ANO2: variants seen among roughly 807,000 people sequenced by gnomAD.
The protein encoded by ANO2 is anoctamin 2.
ANO2 carries 101 observed loss-of-function variants against 124.2 expected under a neutral mutation model. The ratio of observed to expected loss-of-function variants is 0.81; its 90% CI spans 0.69 to 0.96. The LOEUF (loss-of-function observed/expected upper bound fraction) is 0.96, where lower values mean the gene tolerates loss of function less well. Among genes scored for constraint, ANO2 ranks in the 40% least tolerant of loss-of-function variants. The probability of loss-of-function intolerance (pLI) is 0.00; values close to 1 mark genes in which losing one functional copy is unlikely to be tolerated. For missense variants in ANO2, 1,293 were observed against 1,274.5 expected, an observed-to-expected ratio of 1.01 and a Z score of -0.22; for synonymous variants, 486 against 482.5, an observed-to-expected ratio of 1.01 and a Z score of -0.09.
intron 7 of ANO2, among the ~76,000 whole-genome samples, chr12:5,822,232 T>C (rs1189043762): frequency 2.6e-5 from 4 of 152,226 alleles, no homozygotes; most frequent in Non-Finnish European, 4.4e-5. Flanking sequence ...TTTGGTTGGA[T>C]GGTCAGGGAC....
chr12:5,737,771 A>G (rs370356016), intron 13 of ANO2, among the ~76,000 whole-genome samples: 6 of 152,256 alleles, frequency 3.9e-5, no homozygotes, highest in East Asian at 3.9e-4. Flanking sequence ...ACCCACATTC[A>G]AACTTCTAGA....
At chr12:5,696,784 G>A (rs946061035) in intron 14 of ANO2, among the ~76,000 whole-genome samples, 1 of 152,194 alleles carries the variant, frequency 6.6e-6, no homozygotes, top group Admixed American at 6.5e-5. Flanking sequence ...GACCAAGTTG[G>A]CTTCTGTCAG....
chr12:5,833,130 A>G (rs916744172), intron 4 of ANO2, among the ~76,000 whole-genome samples: 1 of 152,226 alleles, frequency 6.6e-6, no homozygotes, highest in East Asian at 1.9e-4. Flanking sequence ...GTGATCATCC[A>G]GCATCCCGTT....
Position 5,577,912 on chromosome 12 carries a change from G to T in ANO2, c.2439+43C>A, listed in dbSNP as rs141804502. 1.1e-4 allele frequency: 175 copies of T among 1,590,344 alleles called. No individual in the cohort carries two copies. The African/African-American group carries it at 2.0e-3, about 19-fold the overall frequency. Reference sequence around the variant, plus strand: ...TTTGAAGACCTCAGCTTCTCTGGAAGCCCTTCCCACAGAGCGAGTGTGTCA... The same window carrying T: ...TTTGAAGACCTCAGCTTCTCTGGAATCCCTTCCCACAGAGCGAGTGTGTCA... On this transcript the variant is annotated intron_variant, in intron 22 of 24. Coordinates refer to ENST00000682330, the MANE Select transcript of ANO2 (RefSeq NM_001364791.2).
chr12:5,799,618 C>T, intron 9 of ANO2, 47 bp from the exon 10 acceptor site: 2 of 1,559,222 alleles, frequency 1.3e-6, no homozygotes, highest in Admixed American at 1.7e-5. Context: ...AGATGGGAAA[C>T]TTCACCTGAT....
chr12:5,731,017 A>G (rs1950611151), intron 14 of ANO2, among the ~76,000 whole-genome samples: 1 of 152,254 alleles, frequency 6.6e-6, no homozygotes, highest in African/African-American at 2.4e-5. Context: ...AGCAATGTTT[A>G]TATTAGAACC....
At chr12:5,679,554 C>G (rs1038108909) in intron 14 of ANO2, among the ~76,000 whole-genome samples, 2 of 152,144 alleles carry the variant, frequency 1.3e-5, no homozygotes, top group East Asian at 3.8e-4. Context: ...TATCACTGAT[C>G]ATTATAAAAA....
chr12:5,792,063 T>C (rs1175401791), intron 10 of ANO2, among the ~76,000 whole-genome samples: 2 of 152,324 alleles, frequency 1.3e-5, no homozygotes, highest in East Asian at 3.9e-4. Flanking sequence ...TTCATCTGAA[T>C]CCTCCCAGTA....
intron 14 of ANO2, among the ~76,000 whole-genome samples, chr12:5,667,622 A>AT (rs1947794023): frequency 6.6e-6 from 1 of 152,082 alleles, no homozygotes; most frequent in Non-Finnish European, 1.5e-5. Context: ...GTGCCATGGT[A>AT]TTTTGCTGCA....
chr12:5,847,768 T>C (rs752094183), intron 4 of ANO2, among the ~76,000 whole-genome samples: 26 of 152,236 alleles, frequency 1.7e-4, no homozygotes, highest in Non-Finnish European at 3.2e-4. Flanking sequence ...ATGCCAAGTT[T>C]CTTTGCTTTC....
chr12:5,664,678 T>C lies in ANO2; in HGVS notation c.1546-16877A>G, dbSNP rs552314377. On this transcript the variant is annotated intron_variant, in intron 14 of 24. Transcript: ENST00000682330. ...CTTTTAATCTCTTCTGAATTCCCCA[T>C]ACTGTGTTCAGAGGAATTTGTTTCA... Among the ~76,000 whole-genome samples, 440 of 152,300 alleles carry C rather than the reference T, an allele frequency of 2.9e-3. 3 individuals carry two copies. The highest frequency in any genetic ancestry group is 0.01 in the African/African-American group (420 of 41,574).
rs947848378 is a variant in ANO2, at chr12:5,922,600, C to A, written c.207+20G>T. 6.6e-7 allele frequency: 1 copy of A among 1,509,296 alleles called. No homozygotes were observed. The highest frequency in any genetic ancestry group is 1.2e-5 in the South Asian group (1 of 81,448). The allele number at this position is 1,509,296 out of a possible 1,614,324, so 93.5% of individuals were successfully genotyped here. A position where few individuals can be genotyped will look rare whatever the true frequency, so the allele number is the denominator to read the frequency against. On this transcript the variant is annotated intron_variant, in intron 2 of 24. Transcript: ENST00000682330. ...ACAGGGCTGGCCTATCCCCCCACCC[C>A]ACCCCCGCCCAGTACTCACAGAGCT...
intron 19 of ANO2, among the ~76,000 whole-genome samples, chr12:5,612,331 A>G (rs1459641186): frequency 2.6e-5 from 4 of 152,298 alleles, no homozygotes; most frequent in African/African-American, 9.6e-5. Context: ...CACCATACTG[A>G]ACATCTCTTT....
chr12:5,856,575 A>G (rs1955104448), intron 3 of ANO2: 1 of 152,244 alleles, frequency 6.6e-6, no homozygotes, highest in Admixed American at 6.5e-5. Context: ...ACCTTCTTCA[A>G]ATACAGCAAG....
intron 3 of ANO2, among the ~76,000 whole-genome samples, chr12:5,913,932 C>A (rs532093505): frequency 6.6e-6 from 1 of 152,274 alleles, no homozygotes; most frequent in East Asian, 1.9e-4. Context: ...GAAACAGTGG[C>A]AGCTGGTTTT....
intron 19 of ANO2, among the ~76,000 whole-genome samples, chr12:5,600,189 T>C (rs1006258344): frequency 1.4e-5 from 2 of 146,984 alleles, no homozygotes; most frequent in Non-Finnish European, 3.0e-5. Flanking sequence ...TAATTTAGAT[T>C]AAATAAGGTC....
intron 3 of ANO2, among the ~76,000 whole-genome samples, chr12:5,910,257 G>A (rs529275969): frequency 5.9e-5 from 9 of 152,326 alleles, no homozygotes; most frequent in Middle Eastern, 6.8e-3. Context: ...TCGGCTGACT[G>A]CAATCTCTGC....
intron 16 of ANO2, among the ~76,000 whole-genome samples, chr12:5,617,124 T>C (rs148397413): frequency 4.6e-5 from 7 of 151,506 alleles, no homozygotes; most frequent in Non-Finnish European, 1.0e-4. Context: ...GATCACACTG[T>C]ACCACACTCT....
chr12:5,710,557 C>T (rs1314887428), intron 14 of ANO2, among the ~76,000 whole-genome samples: 2 of 152,152 alleles, frequency 1.3e-5, no homozygotes, highest in Non-Finnish European at 2.9e-5. Flanking sequence ...TCACATTTGC[C>T]TTCTGTAAAC....
Sources: gnomAD v4.1 joint callset for allele counts (sites outside exome capture counted in the v4.1 genomes callset) on GRCh38, gnomAD v4.1.1 for gene constraint, MANE v1.5 for transcripts, NCBI Gene and HGNC (gene_info 2026-07-23, HGNC 2026-07-21) for gene names.